MYT1L: variants seen among roughly 807,000 people sequenced by gnomAD.
MYT1L encodes the protein myelin transcription factor 1 like.
In MYT1L, 12 loss-of-function variants were observed where a neutral mutation model predicts 126.7. The ratio of observed to expected loss-of-function variants is 0.09; its 90% CI spans 0.06 to 0.15. MYT1L has a LOEUF of 0.15. Ranked by LOEUF, MYT1L falls within the 10% of genes least tolerant of loss-of-function variation. The pLI is 1.00. For synonymous variants in MYT1L, 541 were observed against 604.2 expected (o/e 0.90, Z 1.53); for missense variants, 979 against 1,585.2 (o/e 0.62, Z 6.49).
At chr2:1,969,491 C>T (rs1027750788) in intron 8 of MYT1L, among the ~76,000 whole-genome samples, 1 of 152,182 alleles carries the variant, frequency 6.6e-6, no homozygotes, top group African/African-American at 2.4e-5. Flanking sequence ...CCCAGATTGC[C>T]GGTGCCAGCC....
At chr2:2,175,856 C>T (rs1283486096) in intron 2 of MYT1L, among the ~76,000 whole-genome samples, 2 of 152,238 alleles carry the variant, frequency 1.3e-5, no homozygotes, top group East Asian at 3.8e-4. Context: ...GCATCTCCAG[C>T]TCTTCCGCCT....
intron 1 of MYT1L, among the ~76,000 whole-genome samples, chr2:2,320,491 G>A (rs9678500): frequency 6.7e-4 from 93 of 139,158 alleles, no homozygotes; most frequent in African/African-American, 2.0e-3. Context: ...AAAAAAAAAA[G>A]AAAAAAAAAG....
chr2:2,007,874 C>T (rs1440115958), intron 4 of MYT1L, among the ~76,000 whole-genome samples: 1 of 152,158 alleles, frequency 6.6e-6, no homozygotes. Context: ...AATAGGCCTT[C>T]CCCCAAACCC....
At chr2:2,314,521 T>C (rs916108319) in intron 1 of MYT1L, among the ~76,000 whole-genome samples, 1 of 152,212 alleles carries the variant, frequency 6.6e-6, no homozygotes, top group African/African-American at 2.4e-5. Flanking sequence ...CCCTGACAAA[T>C]GGCTTTCCCT....
chr2:1,979,819 G>A lies in MYT1L; in HGVS notation c.1-42C>T, dbSNP rs1265051341. The A allele has an allele frequency of 1.2e-6, 2 of 1,603,516 alleles. No homozygotes were observed. Among genetic ancestry groups the A allele is most frequent in the South Asian group, 2.2e-5 (2 of 90,752 alleles). On this transcript the variant is annotated intron_variant, in intron 5 of 24. Transcript: ENST00000647738. This position sits in a 1 kb window ranked among gnomAD's most constrained non-coding sequence, Gnocchi z 4.0. Reference sequence around the variant, plus strand: ...AGCCATCAATGTGCTTATCCTGCCTGTGCAGGCCAGCCCTGCAGGGGCGGC... The same window carrying A: ...AGCCATCAATGTGCTTATCCTGCCTATGCAGGCCAGCCCTGCAGGGGCGGC...
intron 4 of MYT1L, among the ~76,000 whole-genome samples, chr2:2,031,291 T>G (rs553607559): frequency 6.6e-6 from 1 of 152,288 alleles, no homozygotes; most frequent in African/African-American, 2.4e-5. Flanking sequence ...GGATGGAGTG[T>G]CAGATAAGGT....
chr2:2,267,149 AC>A (rs746836989), intron 2 of MYT1L, among the ~76,000 whole-genome samples: 19 of 152,208 alleles, frequency 1.2e-4, no homozygotes, highest in Non-Finnish European at 2.4e-4. Context: ...GGAGCAGCTG[AC>A]GTCTGGGCAA....
At chr2:1,941,011 G>A (rs2056589168) in intron 9 of MYT1L, among the ~76,000 whole-genome samples, 1 of 152,180 alleles carries the variant, frequency 6.6e-6, no homozygotes, top group Admixed American at 6.5e-5. Context: ...ATTCTAGTTT[G>A]CTTTCCAGCG....
At chr2:1,945,346 G>A (rs892520718) in intron 8 of MYT1L, among the ~76,000 whole-genome samples, 10 of 152,222 alleles carry the variant, frequency 6.6e-5, no homozygotes, top group Admixed American at 2.6e-4. Context: ...GACAGCCAGC[G>A]CCATGTTCAG....
intron 2 of MYT1L, among the ~76,000 whole-genome samples, chr2:2,220,040 G>A (rs912724634): frequency 6.6e-6 from 1 of 152,142 alleles, no homozygotes; most frequent in Non-Finnish European, 1.5e-5. Flanking sequence ...CATTTGCACA[G>A]TGAGTGGAGA....
chr2:2,090,183 A>G (rs1575097153), intron 3 of MYT1L, among the ~76,000 whole-genome samples: 1 of 152,314 alleles, frequency 6.6e-6, no homozygotes, highest in Middle Eastern at 3.4e-3. Flanking sequence ...TGCTCTGCTC[A>G]CAACATCTTT....
intron 9 of MYT1L, 90 bp downstream of exon 9, chr2:1,942,892 T>A: frequency 6.9e-7 from 1 of 1,443,922 alleles, no homozygotes; most frequent in Middle Eastern, 1.8e-4. Context: ...TTTCTTTATA[T>A]GCCAGTCATT....
intron 18 of MYT1L, among the ~76,000 whole-genome samples, chr2:1,859,287 A>C (rs1450462304): frequency 6.6e-6 from 1 of 152,220 alleles, no homozygotes; most frequent in East Asian, 1.9e-4. Flanking sequence ...GTAAACAAAA[A>C]ACACCTTTCT....
chr2:2,064,783 T>C (rs929596561), intron 3 of MYT1L, among the ~76,000 whole-genome samples: 1 of 152,234 alleles, frequency 6.6e-6, no homozygotes, highest in Non-Finnish European at 1.5e-5. Flanking sequence ...GAAAAGCTTG[T>C]TGGAAAGTAA....
chr2:2,274,104 A>G (rs189980163), intron 2 of MYT1L, among the ~76,000 whole-genome samples: 10 of 152,344 alleles, frequency 6.6e-5, no homozygotes, highest in African/African-American at 2.4e-4. Context: ...ATAATTAACA[A>G]TAATTACTAT....
At chr2:2,025,257 G>A (rs1442778940) in intron 4 of MYT1L, among the ~76,000 whole-genome samples, 11 of 152,204 alleles carry the variant, frequency 7.2e-5, no homozygotes, top group Admixed American at 5.2e-4. Flanking sequence ...AGCGTGCCCC[G>A]CCTCGGTTTG....
At chr2:2,216,104 G>A (rs1220735705) in intron 2 of MYT1L, among the ~76,000 whole-genome samples, 1 of 124,352 alleles carries the variant, frequency 8.0e-6, no homozygotes, top group Non-Finnish European at 1.7e-5. Context: ...AGCTTCCTGA[G>A]ACCTCCCCAG....
chr2:2,213,599 T>C (rs2093596267), intron 2 of MYT1L, among the ~76,000 whole-genome samples: 1 of 152,192 alleles, frequency 6.6e-6, no homozygotes, highest in South Asian at 2.1e-4. Flanking sequence ...TCACAGTGCC[T>C]TCAGCAGAGC....
chr2:2,147,273 G>A (rs1276833491), intron 3 of MYT1L, among the ~76,000 whole-genome samples: 4 of 152,214 alleles, frequency 2.6e-5, no homozygotes, highest in Admixed American at 6.5e-5. Context: ...GTGTCAGAGC[G>A]TTGGTGTCAA....
Sources: gnomAD v4.1 joint callset for allele counts (sites outside exome capture counted in the v4.1 genomes callset) on GRCh38, gnomAD v4.1.1 for gene constraint, Gnocchi (gnomAD v3.1) non-coding constraint, MANE v1.5 for transcripts, NCBI Gene and HGNC (gene_info 2026-07-23, HGNC 2026-07-21) for gene names.